Variants in THRB observed in about 807,000 individuals in gnomAD.
The protein encoded by THRB is thyroid hormone receptor beta, also known as nuclear receptor subfamily 1 group A member 2.
THRB carries 12 observed loss-of-function variants against 47.8 expected under a neutral mutation model. That is an observed-to-expected ratio of 0.25 (90% CI 0.16 to 0.41). The LOEUF (loss-of-function observed/expected upper bound fraction) is 0.41, where lower values mean the gene tolerates loss of function less well. THRB is among the 10% of genes least tolerant of loss of function. The pLI, the probability that THRB is intolerant of heterozygous loss-of-function variation, is 1.00. For synonymous variants in THRB, 218 were observed against 212.2 expected, an observed-to-expected ratio of 1.03 and a Z score of -0.24; for missense variants, 348 against 589.2, an observed-to-expected ratio of 0.59 and a Z score of 4.24.
rs769459380 is a variant in THRB at position 24,233,560 on chromosome 3, GAAGAAAGA to G, written c.-42-4567_-42-4560del. Among the ~76,000 whole-genome samples, 161 of 77,348 alleles carry G rather than the reference GAAGAAAGA, an allele frequency of 2.1e-3. 3 individuals carry two copies. Among genetic ancestry groups the G allele is most frequent in the African/African-American group, 2.7e-3 (56 of 21,116 alleles). 50.7% of individuals were successfully genotyped at this position (77,348 alleles called of 152,430 possible). ...GAAAGAAAGAGAAAGAAAGAAAAAG[GAAGAAAGA>G]AAGAAAGAAAGAAAGAAAGAAAGAA... On this transcript the variant is annotated intron_variant, in intron 3 of 10. Coordinates refer to ENST00000646209, the MANE Select transcript of THRB (RefSeq NM_001354712.2).
At chr3:24,281,273 G>T (rs2054569074) in intron 3 of THRB, among the ~76,000 whole-genome samples, 1 of 151,792 alleles carries the variant, frequency 6.6e-6, no homozygotes, top group African/African-American at 2.4e-5. Flanking sequence ...AGAGAGTGGG[G>T]GCCAATATTC....
At chr3:24,295,852 A>C (rs2151024126) in intron 3 of THRB, among the ~76,000 whole-genome samples, 1 of 152,306 alleles carries the variant, frequency 6.6e-6, no homozygotes, top group African/African-American at 2.4e-5. Context: ...GTCCAATAGA[A>C]CTTTCTGTGA....
At chr3:24,354,379 G>A (rs1360086115) in intron 1 of THRB, among the ~76,000 whole-genome samples, 2 of 151,900 alleles carry the variant, frequency 1.3e-5, no homozygotes, top group Non-Finnish European at 1.5e-5. Flanking sequence ...TAAGATAAAA[G>A]TTAAAAAAAA....
At chr3:24,384,692 AG>A (rs1385358883) in intron 1 of THRB, among the ~76,000 whole-genome samples, 10 of 152,180 alleles carry the variant, frequency 6.6e-5, no homozygotes, top group African/African-American at 1.9e-4. Flanking sequence ...TTCTTATACA[AG>A]GGACCTCTGG....
At chr3:24,453,948 T>G (rs13061290) in intron 1 of THRB, among the ~76,000 whole-genome samples, 70,720 of 152,004 alleles carry the variant, frequency 0.47, 18,838 homozygotes, top group East Asian at 0.64. Flanking sequence ...TCTTGACCCC[T>G]TTCCCCAAAC....
At chr3:24,201,942 T>C (rs1359465742) in intron 4 of THRB, among the ~76,000 whole-genome samples, 1 of 152,212 alleles carries the variant, frequency 6.6e-6, no homozygotes, top group Non-Finnish European at 1.5e-5. Flanking sequence ...TTTCATTTAA[T>C]TTTCATGATA....
chr3:24,373,251 TG>T (rs1375813072), intron 1 of THRB, among the ~76,000 whole-genome samples: 3 of 152,164 alleles, frequency 2.0e-5, no homozygotes, highest in African/African-American at 7.2e-5. Context: ...AAGGAGCCTC[TG>T]GCTGCTCTTT....
intron 1 of THRB, among the ~76,000 whole-genome samples, chr3:24,347,027 A>G (rs1205785267): frequency 6.6e-6 from 1 of 152,076 alleles, no homozygotes; most frequent in Non-Finnish European, 1.5e-5. Context: ...AATTTCAAAG[A>G]TCAAAAATCA....
intron 3 of THRB, among the ~76,000 whole-genome samples, chr3:24,230,909 C>T (rs953812686): frequency 6.6e-6 from 1 of 152,136 alleles, no homozygotes; most frequent in African/African-American, 2.4e-5. Flanking sequence ...GAAGTTAAAA[C>T]TCTAACACTG....
chr3:24,195,843 T>C (rs1357402264), intron 4 of THRB, among the ~76,000 whole-genome samples: 1 of 152,190 alleles, frequency 6.6e-6, no homozygotes, highest in African/African-American at 2.4e-5. Context: ...CTCCCTGTCA[T>C]TGAGGTTTGA....
intron 4 of THRB, among the ~76,000 whole-genome samples, chr3:24,204,222 C>T (rs184814373): frequency 2.0e-5 from 3 of 152,242 alleles, no homozygotes; most frequent in Non-Finnish European, 2.9e-5. Context: ...GGGTCCCCGA[C>T]CCCTGAGTAG....
chr3:24,186,953 A>G, intron 5 of THRB, among the ~76,000 whole-genome samples: 1 of 151,178 alleles, frequency 6.6e-6, no homozygotes, highest in Non-Finnish European at 1.5e-5. Context: ...TCAAAAAAAA[A>G]AAAAAAAAAA....
chr3:24,160,238 G>A (rs1219252720), intron 5 of THRB, among the ~76,000 whole-genome samples: 1 of 152,182 alleles, frequency 6.6e-6, no homozygotes, highest in Non-Finnish European at 1.5e-5. Flanking sequence ...TGGAACAGAG[G>A]GTGTGGGTAA....
rs534756759 is a variant in THRB, at chr3:24,243,512, A to C, written c.-42-14511T>G. Among the ~76,000 whole-genome samples the C allele has an allele frequency of 6.9e-4, 105 of 151,286 alleles. 1 individual carries two copies. The highest frequency in any genetic ancestry group is 4.0e-4 in the Non-Finnish European group (27 of 67,840). Reference sequence around the variant, plus strand: ...TGCCTGAAATGCTCATGCCTCCAACACCTGCTTGGGTCCCTCCCTCACCTC... The same window carrying C: ...TGCCTGAAATGCTCATGCCTCCAACCCCTGCTTGGGTCCCTCCCTCACCTC... On this transcript the variant is annotated intron_variant, in intron 3 of 10. Transcript: ENST00000646209.
At chr3:24,239,172 C>A (rs906973097) in intron 3 of THRB, among the ~76,000 whole-genome samples, 3 of 152,112 alleles carry the variant, frequency 2.0e-5, no homozygotes, top group African/African-American at 7.2e-5. Flanking sequence ...GAACTCTTGG[C>A]CTCAAGTGAT....
At chr3:24,138,327 C>G (rs1390420922) in intron 8 of THRB, among the ~76,000 whole-genome samples, 1 of 151,922 alleles carries the variant, frequency 6.6e-6, no homozygotes, top group African/African-American at 2.4e-5. Context: ...AATTCAAGGT[C>G]CTTGGGCCAT....
chr3:24,401,008 A>T (rs1260829516), intron 1 of THRB, among the ~76,000 whole-genome samples: 1 of 152,084 alleles, frequency 6.6e-6, no homozygotes, highest in African/African-American at 2.4e-5. Context: ...GTGCAGAGAC[A>T]TGAATAACCC....
intron 2 of THRB, among the ~76,000 whole-genome samples, chr3:24,335,960 G>A (rs1401927492): frequency 6.6e-6 from 1 of 152,150 alleles, no homozygotes; most frequent in African/African-American, 2.4e-5. Flanking sequence ...GGGGTTGCAG[G>A]AGCCTTCTCA....
chr3:24,406,986 A>T (rs552047851), intron 1 of THRB, among the ~76,000 whole-genome samples: 9 of 152,036 alleles, frequency 5.9e-5, no homozygotes, highest in Non-Finnish European at 2.9e-5. Flanking sequence ...GACCAAGACC[A>T]ATTATGGAGC....
Sources: gnomAD v4.1 joint callset for allele counts (sites outside exome capture counted in the v4.1 genomes callset) on GRCh38, gnomAD v4.1.1 for gene constraint, MANE v1.5 for transcripts, NCBI Gene and HGNC (gene_info 2026-07-23, HGNC 2026-07-21) for gene names.